Variants in PDE10A observed in about 807,000 individuals in gnomAD.
PDE10A encodes the protein cAMP and cAMP-inhibited cGMP 3',5'-cyclic phosphodiesterase 10A.
PDE10A carries 39 observed loss-of-function variants against 97.7 expected under a neutral mutation model. That is an observed-to-expected ratio of 0.40 (90% CI 0.31 to 0.52). The LOEUF (loss-of-function observed/expected upper bound fraction) is 0.52, where lower values mean the gene tolerates loss of function less well. PDE10A is among the 20% of genes least tolerant of loss of function. The pLI is 0.56. For synonymous variants in PDE10A, 371 were observed against 376.8 expected, an observed-to-expected ratio of 0.98 and a Z score of 0.18; for missense variants, 731 against 1,047.8, an observed-to-expected ratio of 0.70 and a Z score of 4.17.
intron 1 of PDE10A, among the ~76,000 whole-genome samples, chr6:165,885,751 C>A (rs148784633): frequency 6.6e-6 from 1 of 152,254 alleles, no homozygotes; most frequent in Non-Finnish European, 1.5e-5. Context: ...GCCTTTGATA[C>A]ATGGGCAATG....
At chr6:165,459,278 C>T (rs1380859923) in intron 3 of PDE10A, among the ~76,000 whole-genome samples, 1 of 152,070 alleles carries the variant, frequency 6.6e-6, no homozygotes, top group African/African-American at 2.4e-5. Flanking sequence ...CCAGATTTGG[C>T]AAGCAGAAAC....
chr6:165,657,604 A>G (rs1481662155), intron 1 of PDE10A, among the ~76,000 whole-genome samples: 1 of 152,202 alleles, frequency 6.6e-6, no homozygotes, highest in African/African-American at 2.4e-5. Context: ...TCCCTATTGG[A>G]GTGGAAAAAG....
At chr6:165,910,953 T>G (rs1258487063) in intron 1 of PDE10A, 1 of 152,118 alleles carries the variant, frequency 6.6e-6, no homozygotes, top group African/African-American at 2.4e-5. Context: ...TTTAATAGAG[T>G]GCTCAGCACA....
At position 165,625,745 on chromosome 6, in the gene PDE10A, A is replaced by G. The variant is rs562064198; in HGVS notation, c.865+36202T>C. Among the ~76,000 whole-genome samples, 10 of 152,178 alleles carry G rather than the reference A, an allele frequency of 6.6e-5. No individual in the cohort carries two copies. The South Asian group carries it at 1.9e-3, about 28-fold the overall frequency. ...TGCTGCCATGTAAGAAGTGCCTTTCACCTTCTGCCATGATTGTGAGGCCTC... is the reference window on the plus strand; with the variant it reads ...TGCTGCCATGTAAGAAGTGCCTTTCGCCTTCTGCCATGATTGTGAGGCCTC... On this transcript the variant is annotated intron_variant, in intron 1 of 21. Coordinates refer to ENST00000539869, the MANE Select transcript of PDE10A (RefSeq NM_001385079.1).
At chr6:165,363,522 G>GAA (rs111559450) in intron 18 of PDE10A, among the ~76,000 whole-genome samples, 9 of 140,388 alleles carry the variant, frequency 6.4e-5, no homozygotes, top group African/African-American at 2.4e-4. Context: ...TCTCAAAAAA[G>GAA]AAAAAAAAAA....
At chr6:165,646,186 G>T (rs541481721) in intron 1 of PDE10A, among the ~76,000 whole-genome samples, 91 of 152,326 alleles carry the variant, frequency 6.0e-4, no homozygotes, top group African/African-American at 1.9e-3. Flanking sequence ...TTCATTTATA[G>T]ACCTTGTCAT....
intron 1 of PDE10A, among the ~76,000 whole-genome samples, chr6:165,637,749 C>T (rs1467508634): frequency 1.3e-5 from 2 of 152,164 alleles, no homozygotes; most frequent in African/African-American, 4.8e-5. Flanking sequence ...CCGGCACAGG[C>T]GGGGCGCGTC....
intron 1 of PDE10A, among the ~76,000 whole-genome samples, chr6:165,618,296 A>T (rs561054685): frequency 6.6e-6 from 1 of 152,256 alleles, no homozygotes; most frequent in Admixed American, 6.5e-5. Context: ...GCAGGCTACA[A>T]GGGTAATAAA....
intron 13 of PDE10A, among the ~76,000 whole-genome samples, chr6:165,412,609 C>T (rs2128227258): frequency 6.6e-6 from 1 of 152,222 alleles, no homozygotes; most frequent in Non-Finnish European, 1.5e-5. Flanking sequence ...GGTACTCTCA[C>T]TAAATAGCAC....
chr6:165,419,976 T>C (rs1400242392), intron 10 of PDE10A, among the ~76,000 whole-genome samples: 3 of 152,234 alleles, frequency 2.0e-5, no homozygotes, highest in Non-Finnish European at 4.4e-5. Context: ...TACATGTTTG[T>C]ACTCACTGCT....
At chr6:165,921,108 A>G (rs1053181385) in intron 1 of PDE10A, among the ~76,000 whole-genome samples, 1 of 152,238 alleles carries the variant, frequency 6.6e-6, no homozygotes, top group Admixed American at 6.5e-5. Context: ...TTTCAGATCT[A>G]TGTACCAAAG....
At chr6:165,972,621 C>T (rs925354517) in intron 1 of PDE10A, among the ~76,000 whole-genome samples, 17 of 152,168 alleles carry the variant, frequency 1.1e-4, no homozygotes, top group African/African-American at 4.1e-4. Context: ...ACAGGAGTCT[C>T]CAGTGGCACT....
At chr6:165,820,205 T>C (rs1176372911) in intron 1 of PDE10A, among the ~76,000 whole-genome samples, 4 of 152,232 alleles carry the variant, frequency 2.6e-5, no homozygotes, top group African/African-American at 9.6e-5. Context: ...TACAGCAAAA[T>C]GTTCTAACGG....
intron 1 of PDE10A, among the ~76,000 whole-genome samples, chr6:165,619,827 C>T (rs1042074109): frequency 6.6e-6 from 1 of 151,968 alleles, no homozygotes; most frequent in Non-Finnish European, 1.5e-5. Flanking sequence ...CAGACAACCC[C>T]GGGCCCTCAC....
chr6:165,664,586 T>G (rs546701952), upstream of PDE10A, among the ~76,000 whole-genome samples: 2 of 152,268 alleles, frequency 1.3e-5, no homozygotes, highest in African/African-American at 4.8e-5. Flanking sequence ...TTAGGGGCGC[T>G]GCCCTTGTTT....
chr6:165,470,621 T>C (rs1040769504), intron 3 of PDE10A, among the ~76,000 whole-genome samples: 1 of 152,238 alleles, frequency 6.6e-6, no homozygotes, highest in African/African-American at 2.4e-5. Flanking sequence ...CTTCCTCTGT[T>C]GTATTTGGTT....
intron 2 of PDE10A, among the ~76,000 whole-genome samples, chr6:165,534,043 T>C (rs780954061): frequency 9.2e-5 from 14 of 151,874 alleles, no homozygotes; most frequent in Admixed American, 4.6e-4. Flanking sequence ...AATTTTATGG[T>C]GGTATGCTCA....
At chr6:165,591,889 A>C (rs892504607) in intron 1 of PDE10A, among the ~76,000 whole-genome samples, 5 of 152,212 alleles carry the variant, frequency 3.3e-5, no homozygotes, top group African/African-American at 1.2e-4. Context: ...CCATCCCAGA[A>C]AACCAAATAC....
At chr6:165,542,559 C>T (rs903679052) in intron 2 of PDE10A, among the ~76,000 whole-genome samples, 3 of 148,678 alleles carry the variant, frequency 2.0e-5, no homozygotes, top group Admixed American at 2.0e-4. Flanking sequence ...AACAGTGGTT[C>T]TGCACTCCTT....
Sources: gnomAD v4.1 joint callset for allele counts (sites outside exome capture counted in the v4.1 genomes callset) on GRCh38, gnomAD v4.1.1 for gene constraint, MANE v1.5 for transcripts, NCBI Gene and HGNC (gene_info 2026-07-23, HGNC 2026-07-21) for gene names.